The following SYN3 variants were observed in gnomAD, a reference collection of about 807,000 sequenced individuals.
The protein encoded by SYN3 is synapsin III.
A neutral mutation model predicts 65.8 loss-of-function variants in SYN3; 35 were observed. The observed-to-expected ratio is 0.53, with a 90% CI of 0.41 to 0.70. The LOEUF is 0.70. Among genes scored for constraint, SYN3 ranks in the 30% least tolerant of loss-of-function variants. The pLI, the probability that SYN3 is intolerant of heterozygous loss-of-function variation, is 0.00. For synonymous variants in SYN3, 270 were observed against 292.9 expected, an observed-to-expected ratio of 0.92 and a Z score of 0.80; for missense variants, 680 against 749.0, an observed-to-expected ratio of 0.91 and a Z score of 1.08.
intron 2 of SYN3, among the ~76,000 whole-genome samples, chr22:32,997,717 G>A (rs1027083361): frequency 2.6e-5 from 4 of 152,072 alleles, no homozygotes; most frequent in African/African-American, 9.7e-5. Flanking sequence ...AAGGTGAGAG[G>A]GAAAAAGAGA....
At chr22:32,721,283 A>G (rs546631262) in intron 6 of SYN3, among the ~76,000 whole-genome samples, 4 of 152,218 alleles carry the variant, frequency 2.6e-5, no homozygotes, top group Non-Finnish European at 4.4e-5. Context: ...GGGTGGGCAC[A>G]GAGGAAAGAG....
chr22:32,939,647 A>G (rs2050880543), intron 3 of SYN3, among the ~76,000 whole-genome samples: 1 of 152,162 alleles, frequency 6.6e-6, no homozygotes, highest in African/African-American at 2.4e-5. Context: ...GCCTTCTTTC[A>G]TATCTGTGAT....
At chr22:32,530,536 T>G (rs557327462) in intron 10 of SYN3, among the ~76,000 whole-genome samples, 18 of 151,768 alleles carry the variant, frequency 1.2e-4, no homozygotes, top group Admixed American at 2.6e-4. Flanking sequence ...GCTGTGTATT[T>G]GCTCTGTGAT....
intron 7 of SYN3, among the ~76,000 whole-genome samples, chr22:32,582,270 G>A (rs574141148): frequency 1.3e-5 from 2 of 152,204 alleles, no homozygotes; most frequent in African/African-American, 4.8e-5. Context: ...CAGTGGTTAT[G>A]CAGAACAGCC....
intron 1 of SYN3, among the ~76,000 whole-genome samples, chr22:33,007,572 C>T (rs960262750): frequency 6.6e-6 from 1 of 152,046 alleles, no homozygotes; most frequent in African/African-American, 2.4e-5. Flanking sequence ...GAAGTACAGC[C>T]CTTATAAGAA....
intron 6 of SYN3, among the ~76,000 whole-genome samples, chr22:32,718,166 G>T (rs1194724575): frequency 1.3e-5 from 2 of 152,084 alleles, no homozygotes; most frequent in Admixed American, 1.3e-4. Context: ...CCAGTCTGGC[G>T]AGTAGGCAGT....
rs199695207 is a variant in SYN3 at position 32,807,865 on chromosome 22, TA to T, written c.711+57049del. 8.5e-3 allele frequency among the ~76,000 whole-genome samples: 1,293 copies of T among 152,246 alleles called. 19 individuals are homozygous for T. Among genetic ancestry groups the T allele is most frequent in the African/African-American group, 0.027 (1,141 of 41,546 alleles). On this transcript the variant is annotated intron_variant, in intron 6 of 13. Coordinates refer to ENST00000358763, the MANE Select transcript of SYN3 (RefSeq NM_003490.4). ...GGCTGTGTTAACACAGTTCTTTTCA[TA>T]TATGCAACATGAGGGGATGGAGGAA...
intron 6 of SYN3, among the ~76,000 whole-genome samples, chr22:32,787,059 T>C (rs1226763578): frequency 4.2e-3 from 3 of 712 alleles, no homozygotes; most frequent in Non-Finnish European, 6.7e-3. Flanking sequence ...TTTTCTTTTC[T>C]TTTTTTTTTT....
intron 6 of SYN3, among the ~76,000 whole-genome samples, chr22:32,660,902 G>C (rs1264077218): frequency 6.6e-6 from 1 of 152,180 alleles, no homozygotes; most frequent in Non-Finnish European, 1.5e-5. Flanking sequence ...TAACATCCTT[G>C]ACCTCAAAGA....
At chr22:32,780,078 A>AAAAAAAAAAAAAAGAG (rs1359453939) in intron 6 of SYN3, among the ~76,000 whole-genome samples, 10 of 52,646 alleles carry the variant, frequency 1.9e-4, no homozygotes, top group African/African-American at 5.9e-4. Context: ...CAAAAAAAAA[A>AAAAAAAAAAAAAAGAG]AGAGAGAGAA....
intron 6 of SYN3, chr22:32,861,166 A>T (rs1053073158): frequency 1.7e-5 from 2 of 117,520 alleles, no homozygotes; most frequent in Non-Finnish European, 3.4e-5. Context: ...TGCCAATTGA[A>T]ACAGAAGAAG....
chr22:33,022,259 C>T (rs2053573006), intron 1 of SYN3, among the ~76,000 whole-genome samples: 1 of 152,158 alleles, frequency 6.6e-6, no homozygotes, highest in South Asian at 2.1e-4. Context: ...TTTTAAAATT[C>T]ATGGAGACAA....
chr22:32,550,699 G>GGA (rs2058400839), intron 7 of SYN3, among the ~76,000 whole-genome samples: 4 of 71,298 alleles, frequency 5.6e-5, no homozygotes, highest in African/African-American at 2.0e-4. Flanking sequence ...CCTAGAAATG[G>GGA]CAAAAAAAAA....
At chr22:33,012,960 T>C (rs1308550509) in intron 1 of SYN3, among the ~76,000 whole-genome samples, 1 of 152,230 alleles carries the variant, frequency 6.6e-6, no homozygotes, top group Non-Finnish European at 1.5e-5. Flanking sequence ...GTTTTAAAGA[T>C]TTTTTCCAAA....
intron 9 of SYN3, among the ~76,000 whole-genome samples, chr22:32,534,540 AG>A (rs2058131730): frequency 6.6e-6 from 1 of 152,214 alleles, no homozygotes; most frequent in African/African-American, 2.4e-5. Context: ...GATGTCTGCA[AG>A]GCCAGTTTGC....
intron 6 of SYN3, among the ~76,000 whole-genome samples, chr22:32,628,463 T>C (rs1229883621): frequency 6.6e-6 from 1 of 152,176 alleles, no homozygotes; most frequent in Non-Finnish European, 1.5e-5. Context: ...GGGATTTCTC[T>C]ACATTCCCAA....
At chr22:32,882,351 G>A (rs1192758008) in intron 4 of SYN3, among the ~76,000 whole-genome samples, 4 of 152,170 alleles carry the variant, frequency 2.6e-5, no homozygotes, top group African/African-American at 4.8e-5. Context: ...AGGGAAGGGT[G>A]TAGACAGGAG....
intron 7 of SYN3, among the ~76,000 whole-genome samples, chr22:32,595,523 A>G (rs2059186329): frequency 6.6e-6 from 1 of 152,104 alleles, no homozygotes; most frequent in Admixed American, 6.5e-5. Context: ...GATATATTAT[A>G]TTATTGACTT....
intron 1 of SYN3, among the ~76,000 whole-genome samples, chr22:33,043,584 G>A (rs1333777845): frequency 6.6e-6 from 1 of 152,108 alleles, no homozygotes; most frequent in African/African-American, 2.4e-5. Context: ...AAAAGCACAA[G>A]CCATGAAGTC....
Sources: gnomAD v4.1 joint callset for allele counts (sites outside exome capture counted in the v4.1 genomes callset) on GRCh38, gnomAD v4.1.1 for gene constraint, MANE v1.5 for transcripts, NCBI Gene and HGNC (gene_info 2026-07-23, HGNC 2026-07-21) for gene names.